Variants in SH2D6 observed in about 807,000 individuals in gnomAD.
SH2D6 encodes SH2 domain-containing protein 6.
SH2D6 carries 31 observed loss-of-function variants against 30.2 expected under a neutral mutation model. The ratio of observed to expected loss-of-function variants is 1.03; its 90% confidence interval spans 0.77 to 1.38. SH2D6 has a LOEUF of 1.38. Among genes scored for constraint, SH2D6 ranks in the 40% most tolerant of loss-of-function variants. SH2D6 has a pLI of 0.00. For synonymous variants in SH2D6, 93 were observed against 104.6 expected (o/e 0.89, Z 0.68); for missense variants, 240 against 266.8 (o/e 0.90, Z 0.70).
intron 6 of SH2D6, among the ~76,000 whole-genome samples, chr2:85,426,494 G>A (rs1688061829): frequency 6.6e-6 from 1 of 152,144 alleles, no homozygotes; most frequent in Non-Finnish European, 1.5e-5. Context: ...ATTCCAGAGA[G>A]GGTCCTGCCC....
chr2:85,422,032 T>TA (rs1687768671), intron 2 of SH2D6, 171 bp from the exon 3 acceptor site: 1 of 151,976 alleles, frequency 6.6e-6, no homozygotes, highest in African/African-American at 2.4e-5. Context: ...GAGTGCAGGA[T>TA]AAAGAGCCAA....
intron 6 of SH2D6, among the ~76,000 whole-genome samples, 157 bp downstream of exon 6, chr2:85,425,564 G>A (rs1016824320): frequency 2.6e-5 from 4 of 152,180 alleles, no homozygotes; most frequent in South Asian, 2.1e-4. Context: ...CACCACGCCC[G>A]GCCGGATTAA....
At chr2:85,420,855 A>T (rs1687724918) in intron 2 of SH2D6, 2 of 152,340 alleles carry the variant, frequency 1.3e-5, no homozygotes. Flanking sequence ...CCGTGGAACG[A>T]CTGCTTAGGT....
intron 6 of SH2D6, among the ~76,000 whole-genome samples, chr2:85,427,441 A>C (rs1429121010): frequency 6.6e-6 from 1 of 152,360 alleles, no homozygotes; most frequent in South Asian, 2.1e-4. Flanking sequence ...TGCCCAGGCC[A>C]GTGCCCCCAC....
At chr2:85,433,737 A>C in intron 16 of SH2D6, 106 bp downstream of exon 16, 1 of 862,110 alleles carries the variant, frequency 1.2e-6, no homozygotes, top group Non-Finnish European at 1.6e-6. Context: ...GCCTCTCACC[A>C]CCCCCCACCA....
intron 5 of SH2D6, among the ~76,000 whole-genome samples, chr2:85,424,514 C>A (rs1232127450): frequency 6.6e-6 from 1 of 152,124 alleles, no homozygotes; most frequent in African/African-American, 2.4e-5. Flanking sequence ...CTTTGGGAGG[C>A]TAAGGCAGGA....
chr2:85,435,445 G>C lies in SH2D6; in HGVS notation c.681G>C (p.Ser227=). The C allele has an allele frequency of 6.2e-7, 1 of 1,613,876 alleles. No individual in the cohort carries two copies. ...DSDLLTQPWY[S]GNCDRYAVES... ...ATCTGCTGACTCAGCCTTGGTACTCGGGGAACTGTGACCGCTATGCTGTTG... is the reference window on the plus strand; with the variant it reads ...ATCTGCTGACTCAGCCTTGGTACTCCGGGAACTGTGACCGCTATGCTGTTG... The change falls in exon 21 of 24, where the codon TCG becomes TCC. Residue 227 remains serine, a synonymous_variant. Transcript: ENST00000469800.
chr2:85,428,223 C>T (rs1558753424), intron 6 of SH2D6, among the ~76,000 whole-genome samples: 2 of 152,196 alleles, frequency 1.3e-5, no homozygotes, highest in African/African-American at 2.4e-5. Context: ...ACAATTAGCA[C>T]TGCTAATTCC....
intron 14 of SH2D6, 117 bp from the exon 15 acceptor site, chr2:85,432,982 T>G: frequency 3.5e-6 from 3 of 861,306 alleles, no homozygotes; most frequent in South Asian, 5.3e-5. Context: ...AAGCTGGCTC[T>G]GAGATGTCCT....
chr2:85,435,164 G>C lies in SH2D6; in HGVS notation c.648+41G>C, dbSNP rs554464564. On this transcript the variant is annotated intron_variant, in intron 20 of 23. Coordinates refer to ENST00000469800, the MANE Select transcript of SH2D6 (RefSeq NM_001394463.1). ...GAGCAGGCTGTAGGGAGAGGTTCCG[G>C]GAGCAGAGCCTGAGAGTCCTTACCC... 3.5e-5 allele frequency: 55 copies of C among 1,590,094 alleles called. No individual in the cohort carries two copies. The South Asian group carries it at 5.9e-4, about 17-fold the overall frequency.
intron 6 of SH2D6, among the ~76,000 whole-genome samples, chr2:85,426,475 G>A (rs1264012555): frequency 1.3e-5 from 2 of 152,064 alleles, no homozygotes; most frequent in Non-Finnish European, 2.9e-5. Flanking sequence ...TTCTGATTGT[G>A]GGACCCTAAT....
Position 85,428,569 on chromosome 2 carries a change from CCT to C in SH2D6, c.-208-8_-208-7del, listed in dbSNP as rs751032869. On this transcript the variant is annotated splice_polypyrimidine_tract_variant and intron_variant, in intron 6 of 23. Transcript: ENST00000469800. ...ATAAGAAGAAGAGTTACCAGAACCG[CCT>C]CTCTCTGCACAGACAAGAGGCCATG... 3 of 152,150 alleles carry C rather than the reference CCT, an allele frequency of 2.0e-5. No homozygotes were observed. Among genetic ancestry groups the C allele is most frequent in the Admixed American group, 6.5e-5 (1 of 15,274 alleles). The allele number at this position is 152,150 out of a possible 1,614,324, so 9.4% of individuals were successfully genotyped here.
intron 20 of SH2D6, 111 bp downstream of exon 20, chr2:85,435,234 T>A: frequency 7.8e-7 from 1 of 1,286,872 alleles, no homozygotes; most frequent in Non-Finnish European, 1.1e-6. Flanking sequence ...AAGAACACAT[T>A]GAACACACGT....
intron 6 of SH2D6, among the ~76,000 whole-genome samples, chr2:85,427,484 G>T (rs996911467): frequency 3.3e-5 from 5 of 152,136 alleles, no homozygotes; most frequent in Non-Finnish European, 5.9e-5. Context: ...TCTGCCTGGG[G>T]CCCTTTCACT....
At chr2:85,419,558 C>CTCAGGTTA (rs1687670681) in intron 2 of SH2D6, among the ~76,000 whole-genome samples, 1 of 152,204 alleles carries the variant, frequency 6.6e-6, no homozygotes, top group African/African-American at 2.4e-5. Flanking sequence ...AAGCGGGAGA[C>CTCAGGTTA]TCAGGTTACA....
chr2:85,435,077 C>A lies in SH2D6; in HGVS notation c.602C>A (p.Ser201Ter), dbSNP rs752478609. ...ADAASKEGRK[S>*]SLPSVAPTGS... ...CTGCTTCTTCTAGAAGGAAGGAAAT[C>A]GTCTCTTCCCTCTGTAGCCCCCACT... Residue 201 changes from serine (S) to a stop codon, truncating the protein, a stop_gained, in exon 20 of 24, where the codon TCG becomes TAG. Coordinates refer to ENST00000469800, the MANE Select transcript of SH2D6 (RefSeq NM_001394463.1). LOFTEE classifies it high-confidence loss of function. The A allele has an allele frequency of 2.2e-6, 3 of 1,367,378 alleles. No individual in the cohort carries two copies. The highest frequency in any genetic ancestry group is 1.9e-6 in the Non-Finnish European group (2 of 1,032,644). The allele number at this position is 1,367,378 out of a possible 1,614,324, so 84.7% of individuals were successfully genotyped here. A position where few individuals can be genotyped will look rare whatever the true frequency, so the allele number is the denominator to read the frequency against.
In SH2D6 at chr2:85,431,928, CG is replaced by C. The variant is rs1260549795; in HGVS notation, c.341del (p.Gly114GlufsTer42). 1.3e-5 allele frequency: 2 copies of C among 152,808 alleles called. No individual in the cohort carries two copies. The highest frequency in any genetic ancestry group is 1.9e-4 in the East Asian group (1 of 5,178). The allele number at this position is 152,808 out of a possible 1,614,324, so 9.5% of individuals were successfully genotyped here. ...LKGAVSLPVA[G>X]KQGPIFGRRE... ...AGGGAGCAGTGAGCCTGCCGGTGGC[CG>C]GAAAGCAGGGACCTATCTTTGGGAG... is the stretch of plus-strand genomic sequence containing the variant. On this transcript the variant is annotated frameshift_variant, in exon 14 of 24. Transcript: ENST00000469800. LOFTEE classifies it high-confidence loss of function.
chr2:85,435,003 C>T (rs1266356435), intron 19 of SH2D6, 62 bp from the exon 20 acceptor site: 1 of 1,521,872 alleles, frequency 6.6e-7, no homozygotes, highest in South Asian at 1.2e-5. Flanking sequence ...CCCCTAGAAG[C>T]CACCTTTGCC....
At chr2:85,428,261 A>G (rs1486523237) in intron 6 of SH2D6, among the ~76,000 whole-genome samples, 1 of 152,194 alleles carries the variant, frequency 6.6e-6, no homozygotes. Context: ...TCCAGACCCA[A>G]TCCTGGTGAG....
Sources: allele counts gnomAD v4.1 joint callset (sites outside exome capture counted in the v4.1 genomes callset), GRCh38; gene constraint gnomAD v4.1.1; transcripts MANE v1.5; gene names NCBI Gene and HGNC (gene_info 2026-07-23, HGNC 2026-07-21).